MAPRE3: variants seen among roughly 807,000 people sequenced by gnomAD.
The protein encoded by MAPRE3 is microtubule associated protein RP/EB family member 3, also known as microtubule-associated protein RP/EB family member 3.
In MAPRE3, 2 loss-of-function variants were observed where a neutral mutation model predicts 30.5. That is an observed-to-expected ratio of 0.07 (90% CI 0.03 to 0.21). MAPRE3 has a LOEUF of 0.21. Ranked by LOEUF, MAPRE3 falls within the 10% of genes least tolerant of loss-of-function variation. MAPRE3 has a pLI of 1.00. For synonymous variants in MAPRE3, 110 were observed against 127.7 expected (o/e 0.86, Z 0.93); for missense variants, 204 against 351.8 (o/e 0.58, Z 3.36).
In MAPRE3 at chr2:26,985,406, T is replaced by C. The variant is rs930333024; in HGVS notation, c.-8+14604T>C. Among the ~76,000 whole-genome samples the C allele has an allele frequency of 3.3e-5, 5 of 152,142 alleles. No individual in the cohort carries two copies. The highest frequency in any genetic ancestry group is 7.4e-5 in the Non-Finnish European group (5 of 68,022). On this transcript the variant is annotated intron_variant, in intron 1 of 6. Transcript: ENST00000233121. This position sits in a 1 kb window ranked among gnomAD's most constrained non-coding sequence, Gnocchi z 4.2. ...AGCATTCTGGCAGCATAGATCTGAG[T>C]TGGTGAAGCTATTCCTATAGCAGTA...
intron 1 of MAPRE3, among the ~76,000 whole-genome samples, chr2:27,003,610 G>A (rs1335472789): frequency 2.6e-5 from 4 of 152,228 alleles, no homozygotes; most frequent in Non-Finnish European, 5.9e-5. Context: ...ATCTGTTATC[G>A]ATCCAGCTAA....
chr2:27,021,584 C>T (rs80107374), intron 1 of MAPRE3, among the ~76,000 whole-genome samples: 3,313 of 152,272 alleles, frequency 0.022, 147 homozygotes, highest in African/African-American at 0.077. Flanking sequence ...GCTTAAAACC[C>T]TCTAATGGCT....
intron 1 of MAPRE3, among the ~76,000 whole-genome samples, chr2:26,971,145 T>C (rs4572551): frequency 0.54 from 82,646 of 152,022 alleles, 23,493 homozygotes; most frequent in East Asian, 0.76. Flanking sequence ...CGTCCGCCCT[T>C]ATCCCTTCTC....
chr2:26,996,852 C>T (rs1352163966), intron 1 of MAPRE3: 1 of 152,016 alleles, frequency 6.6e-6, no homozygotes, highest in Non-Finnish European at 1.5e-5. Flanking sequence ...AAACCCTTCA[C>T]CTGAGGAACA....
intron 1 of MAPRE3, among the ~76,000 whole-genome samples, chr2:27,005,268 A>T (rs1211225356): frequency 6.6e-6 from 1 of 152,236 alleles, no homozygotes; most frequent in Non-Finnish European, 1.5e-5. Context: ...TAATGTAAGG[A>T]TAGCATGGAA....
intron 1 of MAPRE3, among the ~76,000 whole-genome samples, chr2:26,992,228 A>AT (rs1666358472): frequency 9.5e-6 from 1 of 105,400 alleles, no homozygotes; most frequent in South Asian, 3.8e-4. Context: ...GTTACCAGAT[A>AT]ATTTTTTTTT....
chr2:26,999,131 G>A (rs1425598168), intron 1 of MAPRE3, among the ~76,000 whole-genome samples: 2 of 152,200 alleles, frequency 1.3e-5, no homozygotes, highest in Non-Finnish European at 2.9e-5. Context: ...GGAGACATCA[G>A]AGAAAGGGTT....
At chr2:27,017,710 C>T (rs1190314800) in intron 1 of MAPRE3, among the ~76,000 whole-genome samples, 1 of 152,142 alleles carries the variant, frequency 6.6e-6, no homozygotes, top group East Asian at 1.9e-4. Flanking sequence ...CAACAAAAGC[C>T]AGTAAATCAC....
chr2:27,012,634 C>T (rs1666886688), intron 1 of MAPRE3: 1 of 152,802 alleles, frequency 6.5e-6, no homozygotes, highest in South Asian at 2.1e-4. Context: ...GGCTGACTGT[C>T]TCCACGTGGG....
At chr2:27,024,074 C>T (rs1667177391) in intron 3 of MAPRE3, 22 bp from the exon 4 acceptor site, 1 of 1,598,572 alleles carries the variant, frequency 6.3e-7, no homozygotes, top group South Asian at 1.1e-5. Context: ...CTAAAGTACT[C>T]TGCTTATGTG....
At chr2:27,016,187 G>A (rs927028635) in intron 1 of MAPRE3, among the ~76,000 whole-genome samples, 3 of 152,032 alleles carry the variant, frequency 2.0e-5, no homozygotes, top group Non-Finnish European at 2.9e-5. Context: ...ATCCAATCAG[G>A]GTCTGTTTCT....
chr2:27,022,545 C>A, intron 2 of MAPRE3: 1 of 613,838 alleles, frequency 1.6e-6, no homozygotes, highest in Non-Finnish European at 2.8e-6. Context: ...GCCTACTACA[C>A]ACCTCGGCTA....
chr2:27,026,626 C>A lies in MAPRE3; in HGVS notation c.*278C>A. On this transcript the variant is annotated 3_prime_UTR_variant, in exon 7 of 7. Coordinates refer to ENST00000233121, the MANE Select transcript of MAPRE3 (RefSeq NM_012326.4). ...GTGTCGCCCAACACTTCCCAGGGTGCTGCTGCCACCCGCCCCAGCCAGCCA... is the reference window on the plus strand; with the variant it reads ...GTGTCGCCCAACACTTCCCAGGGTGATGCTGCCACCCGCCCCAGCCAGCCA... The A allele has an allele frequency of 3.1e-5, 12 of 383,336 alleles. No homozygotes were observed. Among genetic ancestry groups the A allele is most frequent in the Admixed American group, 4.6e-5 (1 of 21,814 alleles). 23.7% of individuals were successfully genotyped at this position (383,336 alleles called of 1,614,324 possible).
chr2:26,978,668 CA>C (rs1205343417), intron 1 of MAPRE3, among the ~76,000 whole-genome samples: 1 of 152,174 alleles, frequency 6.6e-6, no homozygotes, highest in Non-Finnish European at 1.5e-5. Flanking sequence ...TCTATTACCC[CA>C]AAAGTATAGT....
In MAPRE3 at chr2:26,975,322, C is replaced by A. The variant is rs533002064; in HGVS notation, c.-8+4520C>A. 5.3e-5 allele frequency among the ~76,000 whole-genome samples: 8 copies of A among 152,272 alleles called. No individual in the cohort carries two copies. The South Asian group carries it at 1.2e-3, about 24-fold the overall frequency. On this transcript the variant is annotated intron_variant, in intron 1 of 6. Coordinates refer to ENST00000233121, the MANE Select transcript of MAPRE3 (RefSeq NM_012326.4). The stretch of plus-strand genomic sequence containing the variant: ...ACTTTGCTAAAATCAGCTTCTGCAT[C>A]CGTGAGATCCAGGGGGCAAGGGAAA...
At chr2:26,983,909 C>G (rs1666166762) in intron 1 of MAPRE3, among the ~76,000 whole-genome samples, 1 of 152,232 alleles carries the variant, frequency 6.6e-6, no homozygotes, top group Non-Finnish European at 1.5e-5. Context: ...AAGCCTTTGA[C>G]TCCAGGTGTC....
At chr2:27,000,921 C>G (rs1386841809) in intron 1 of MAPRE3, among the ~76,000 whole-genome samples, 1 of 152,220 alleles carries the variant, frequency 6.6e-6, no homozygotes, top group Non-Finnish European at 1.5e-5. Flanking sequence ...TATTTATCTA[C>G]CTTGTTTTAT....
At chr2:27,023,808 C>T (rs1037902213) in intron 3 of MAPRE3, 3 of 507,626 alleles carry the variant, frequency 5.9e-6, no homozygotes, top group Admixed American at 6.5e-5. Context: ...ACTCTACTGC[C>T]TCGGTGGCTG....
At chr2:27,017,818 TG>T in intron 1 of MAPRE3, among the ~76,000 whole-genome samples, 1 of 152,126 alleles carries the variant, frequency 6.6e-6, no homozygotes, top group Non-Finnish European at 1.5e-5. Flanking sequence ...TGTGTGTGTG[TG>T]TAAAATATGT....
Sources: gnomAD v4.1 joint callset for allele counts (sites outside exome capture counted in the v4.1 genomes callset) on GRCh38, gnomAD v4.1.1 for gene constraint, Gnocchi (gnomAD v3.1) non-coding constraint, MANE v1.5 for transcripts, NCBI Gene and HGNC (gene_info 2026-07-23, HGNC 2026-07-21) for gene names.